PPP1R17: variants seen among roughly 807,000 people sequenced by gnomAD.
PPP1R17 encodes the protein protein phosphatase 1 regulatory subunit 17.
A neutral mutation model predicts 15.9 loss-of-function variants in PPP1R17; 12 were observed. The ratio of observed to expected loss-of-function variants is 0.75; its 90% CI spans 0.48 to 1.22. PPP1R17 has a LOEUF of 1.22. Among genes scored for constraint, PPP1R17 ranks in the 50% most tolerant of loss-of-function variants. The pLI is 0.00. For synonymous variants in PPP1R17, 63 were observed against 64.5 expected, an observed-to-expected ratio of 0.98 and a Z score of 0.11; for missense variants, 211 against 187.3, an observed-to-expected ratio of 1.13 and a Z score of -0.74.
At chr7:31,700,915 C>T (rs1405722756) in intron 4 of PPP1R17, among the ~76,000 whole-genome samples, 1 of 152,130 alleles carries the variant, frequency 6.6e-6, no homozygotes, top group South Asian at 2.1e-4. Flanking sequence ...AAAAAAGACC[C>T]TTTTCAAATT....
At chr7:31,697,803 C>T (rs1020495575) in intron 4 of PPP1R17, among the ~76,000 whole-genome samples, 3 of 152,272 alleles carry the variant, frequency 2.0e-5, no homozygotes, top group African/African-American at 7.2e-5. Context: ...CTCAGTTTAT[C>T]ATGTCTCATG....
At chr7:31,692,232 C>T (rs1412891585) in intron 1 of PPP1R17, among the ~76,000 whole-genome samples, 174 bp from the exon 2 acceptor site, 1 of 152,080 alleles carries the variant, frequency 6.6e-6, no homozygotes. Flanking sequence ...TTTATTTTGG[C>T]TTAAATCTCA....
chr7:31,702,675 A>T (rs1340705415), intron 4 of PPP1R17, among the ~76,000 whole-genome samples: 1 of 152,182 alleles, frequency 6.6e-6, no homozygotes, highest in Admixed American at 6.5e-5. Context: ...GCTTAAATTG[A>T]CTTACATCAA....
chr7:31,695,517 C>G lies in PPP1R17; in HGVS notation c.131C>G (p.Pro44Arg). ...FIKDCDLKKK[P>R]RKGKNVQATL... ...AAGGACTGTGATCTCAAAAAGAAGC[C>G]TAGAAAGGGAAAAAATGTACAGGCC... The change falls in exon 3 of 5, where the codon CCT (proline) becomes CGT (arginine). Residue 44 changes from proline (P) to arginine (R), a missense_variant. Pro to Arg is a moderately radical substitution (Grantham distance 103). Coordinates refer to ENST00000342032, the MANE Select transcript of PPP1R17 (RefSeq NM_006658.5). 1 of 1,613,314 alleles carries G rather than the reference C, an allele frequency of 6.2e-7. No homozygotes were observed. Among genetic ancestry groups the G allele is most frequent in the South Asian group, 1.1e-5 (1 of 90,958 alleles).
chr7:31,701,760 CCTCT>C (rs961902188), intron 4 of PPP1R17, among the ~76,000 whole-genome samples: 4 of 152,208 alleles, frequency 2.6e-5, no homozygotes, highest in African/African-American at 7.2e-5. Context: ...TTGAGGCAAG[CCTCT>C]CTAAGACTCA....
At chr7:31,704,311 T>C (rs1792977615) in intron 4 of PPP1R17, among the ~76,000 whole-genome samples, 1 of 152,138 alleles carries the variant, frequency 6.6e-6, no homozygotes. Flanking sequence ...CGCAATGTAA[T>C]GTGCATGAAC....
chr7:31,701,654 C>T (rs1792852835), intron 4 of PPP1R17, among the ~76,000 whole-genome samples: 1 of 152,190 alleles, frequency 6.6e-6, no homozygotes, highest in Non-Finnish European at 1.5e-5. Context: ...AAGGAAGAGT[C>T]CATCAATGCA....
chr7:31,704,348 TTG>T (rs1450927745), intron 4 of PPP1R17, among the ~76,000 whole-genome samples: 1 of 152,310 alleles, frequency 6.6e-6, no homozygotes, highest in Admixed American at 6.5e-5. Context: ...CTGGGTGGGA[TTG>T]TGCTGTAAAA....
Position 31,705,986 on chromosome 7 carries a change from ATTTTTTTTTTTTTTTTTTTTTTTT to A in PPP1R17, c.389-1205_389-1182del, listed in dbSNP as rs550189867. ...GACTTCTGAATTTCACAGACCAGTA[ATTTTTTTTTTTTTTTTTTTTTTTT>A]TTTTTTTTTTTTGAGAAGGAGTCTT... On this transcript the variant is annotated intron_variant, in intron 4 of 4. Coordinates refer to ENST00000342032, the MANE Select transcript of PPP1R17 (RefSeq NM_006658.5). 5.7e-5 allele frequency among the ~76,000 whole-genome samples: 3 copies of A among 52,486 alleles called. No homozygotes were observed. In the East Asian group the frequency reaches 1.7e-3, roughly 30 times the overall value. 34.4% of individuals were successfully genotyped at this position (52,486 alleles called of 152,430 possible).
Position 31,694,876 on chromosome 7 carries a change from A to G in PPP1R17, c.83-593A>G, listed in dbSNP as rs1792510493. Among the ~76,000 whole-genome samples, 3 of 152,186 alleles carry G rather than the reference A, an allele frequency of 2.0e-5. No homozygotes were observed. The South Asian group carries it at 6.2e-4, about 32-fold the overall frequency. ...GAGGATTGAGAAAAGTAAATAAATG[A>G]GTCAGAAGACAGTAGGATCTTGAGT... is the stretch of plus-strand genomic sequence containing the variant. On this transcript the variant is annotated intron_variant, in intron 2 of 4. Transcript: ENST00000342032.
At chr7:31,687,491 G>A (rs1444345340) in intron 1 of PPP1R17, among the ~76,000 whole-genome samples, 185 bp downstream of exon 1, 1 of 152,210 alleles carries the variant, frequency 6.6e-6, no homozygotes, top group Non-Finnish European at 1.5e-5. Context: ...CCAAGGGAGG[G>A]AATGGAGTTC....
intron 3 of PPP1R17, among the ~76,000 whole-genome samples, chr7:31,696,726 C>T (rs1049322991): frequency 6.6e-6 from 1 of 152,126 alleles, no homozygotes; most frequent in African/African-American, 2.4e-5. Flanking sequence ...TACTAAATTC[C>T]TCAGGGTTTT....
chr7:31,704,459 T>A (rs1407633147), intron 4 of PPP1R17, among the ~76,000 whole-genome samples: 1 of 152,182 alleles, frequency 6.6e-6, no homozygotes, highest in East Asian at 1.9e-4. Context: ...TTCCCTAAAC[T>A]CTTCTGTATA....
At position 31,695,544 on chromosome 7, in the gene PPP1R17, C is replaced by T; in HGVS notation, c.158C>T (p.Thr53Ile). ...KPRKGKNVQA[T>I]LNVESDQKKP... The stretch of plus-strand genomic sequence containing the variant: ...AGAAAGGGAAAAAATGTACAGGCCA[C>T]CCTGAATGTTGAGTCAGACCAAAAA... Residue 53 changes from threonine to isoleucine, a missense_variant, in exon 3 of 5, where the codon ACC (threonine) becomes ATC (isoleucine). Coordinates refer to ENST00000342032, the MANE Select transcript of PPP1R17 (RefSeq NM_006658.5). 3 of 1,613,884 alleles carry T rather than the reference C, an allele frequency of 1.9e-6. No homozygotes were observed. The highest frequency in any genetic ancestry group is 2.5e-6 in the Non-Finnish European group (3 of 1,179,928).
chr7:31,703,720 G>A (rs1406453660), intron 4 of PPP1R17, among the ~76,000 whole-genome samples: 4 of 152,172 alleles, frequency 2.6e-5, no homozygotes, highest in African/African-American at 4.8e-5. Flanking sequence ...AGAGAAACTC[G>A]CAGACAAATA....
In PPP1R17 at chr7:31,707,398, C is replaced by A; in HGVS notation, c.*115C>A. 2.5e-6 allele frequency: 2 copies of A among 815,058 alleles called. No individual in the cohort carries two copies. The highest frequency in any genetic ancestry group is 3.7e-5 in the South Asian group (2 of 53,438). The allele number at this position is 815,058 out of a possible 1,614,324, so 50.5% of individuals were successfully genotyped here. A position where few individuals can be genotyped will look rare whatever the true frequency, so the allele number is the denominator to read the frequency against. On this transcript the variant is annotated 3_prime_UTR_variant, in exon 5 of 5. Transcript: ENST00000342032. ...TTTGTCATCGTCTGACTTGAAGATT[C>A]AGACACCTTCTCCCCAGGAGATGTA...
rs142943950 is a variant in PPP1R17 at position 31,699,692 on chromosome 7, T to A, written c.388+2575T>A. On this transcript the variant is annotated intron_variant, in intron 4 of 4. Transcript: ENST00000342032. ...TTGTGGTAACCCTGCATCTAGCAAG[T>A]CTATTTTTCCAGCAGCACCATTTTT... 8.6e-3 allele frequency among the ~76,000 whole-genome samples: 1,308 copies of A among 152,214 alleles called. 21 individuals carry two copies. The highest frequency in any genetic ancestry group is 0.029 in the African/African-American group (1,223 of 41,542).
chr7:31,691,809 A>AAAAAAAAC (rs1792360627), intron 1 of PPP1R17, among the ~76,000 whole-genome samples: 7 of 150,932 alleles, frequency 4.6e-5, no homozygotes, highest in Admixed American at 4.0e-4. Context: ...AAAAAAAAAA[A>AAAAAAAAC]AAAAAAAAAA....
At chr7:31,701,006 C>G (rs1052090790) in intron 4 of PPP1R17, among the ~76,000 whole-genome samples, 3 of 152,180 alleles carry the variant, frequency 2.0e-5, no homozygotes, top group African/African-American at 7.2e-5. Context: ...GTTTTCATGC[C>G]TGCTAATGTA....
Sources: allele counts gnomAD v4.1 joint callset (sites outside exome capture counted in the v4.1 genomes callset), GRCh38; gene constraint gnomAD v4.1.1; transcripts MANE v1.5; gene names NCBI Gene and HGNC (gene_info 2026-07-23, HGNC 2026-07-21).